Variants in FILIP1L observed in about 807,000 individuals in gnomAD.
FILIP1L encodes the protein filamin A-interacting protein 1-like.
In FILIP1L, 55 loss-of-function variants were observed where a neutral mutation model predicts 96.6. The observed-to-expected ratio is 0.57, with a 90% CI of 0.46 to 0.71. The LOEUF (loss-of-function observed/expected upper bound fraction) is 0.71. Ranked by LOEUF, FILIP1L falls within the 30% of genes least tolerant of loss-of-function variation. The probability of loss-of-function intolerance (pLI) is 0.00; values close to 1 mark genes in which losing one functional copy is unlikely to be tolerated. For synonymous variants in FILIP1L, 467 were observed against 473.9 expected, an observed-to-expected ratio of 0.99 and a Z score of 0.19; for missense variants, 1,304 against 1,321.2, an observed-to-expected ratio of 0.99 and a Z score of 0.20.
intron 1 of FILIP1L, among the ~76,000 whole-genome samples, chr3:100,039,161 C>T (rs967737266): frequency 2.0e-5 from 3 of 152,168 alleles, no homozygotes; most frequent in Admixed American, 2.0e-4. Flanking sequence ...GTTCATCAAA[C>T]ACAGAGACAT....
intron 5 of FILIP1L, among the ~76,000 whole-genome samples, chr3:99,844,156 C>T (rs980203190): frequency 6.6e-6 from 1 of 152,154 alleles, no homozygotes; most frequent in South Asian, 2.1e-4. Flanking sequence ...TATCTTACAG[C>T]ATATTGCTAG....
chr3:99,955,165 A>G (rs1708285572), intron 1 of FILIP1L, among the ~76,000 whole-genome samples: 1 of 152,144 alleles, frequency 6.6e-6, no homozygotes, highest in African/African-American at 2.4e-5. Context: ...CATTCTAGCA[A>G]TGGGGTGCTG....
intron 1 of FILIP1L, among the ~76,000 whole-genome samples, chr3:99,964,087 CAG>C (rs1391938436): frequency 1.3e-5 from 2 of 151,996 alleles, no homozygotes; most frequent in African/African-American, 2.4e-5. Flanking sequence ...TAAATAAAAA[CAG>C]AGGGCATAGA....
intron 1 of FILIP1L, among the ~76,000 whole-genome samples, chr3:99,940,206 C>T (rs1387974002): frequency 6.6e-6 from 1 of 152,154 alleles, no homozygotes; most frequent in African/African-American, 2.4e-5. Flanking sequence ...AGAATGTTTT[C>T]CAGATCTTTG....
chr3:100,013,362 G>A (rs1710222970), intron 1 of FILIP1L, among the ~76,000 whole-genome samples: 1 of 152,028 alleles, frequency 6.6e-6, no homozygotes, highest in South Asian at 2.1e-4. Context: ...TCCTGCCTCA[G>A]CCTCCTGAGT....
At chr3:99,964,119 T>G (rs532825598) in intron 1 of FILIP1L, among the ~76,000 whole-genome samples, 1 of 152,172 alleles carries the variant, frequency 6.6e-6, no homozygotes, top group East Asian at 1.9e-4. Context: ...TGGTGCAGAT[T>G]TACCCTATAG....
chr3:99,930,868 G>C lies in FILIP1L; in HGVS notation c.153C>G (p.Pro51=). 1 of 1,612,994 alleles carries C rather than the reference G, an allele frequency of 6.2e-7. No homozygotes were observed. Among genetic ancestry groups the C allele is most frequent in the Non-Finnish European group, 8.5e-7 (1 of 1,179,740 alleles). ...PSESDVILPC[P]KAEKPHSGNG... is the part of the protein sequence containing the mutation. ...TACCACTGTGTGGCTTCTCTGCCTT[G>C]GGACACGGAAGTATTACATCCGACT... Residue 51 remains proline (P), a synonymous_variant, in exon 2 of 6, where the codon CCC becomes CCG. Coordinates refer to ENST00000477258, the MANE Select transcript of FILIP1L (RefSeq NM_001387850.1).
At chr3:99,993,036 T>C (rs1709569114) in intron 1 of FILIP1L, among the ~76,000 whole-genome samples, 1 of 152,136 alleles carries the variant, frequency 6.6e-6, no homozygotes, top group Non-Finnish European at 1.5e-5. Context: ...ACTGTTGTTA[T>C]ACCAGTGCCA....
At chr3:99,876,059 C>T (rs1044633256) in intron 4 of FILIP1L, 2 of 985,848 alleles carry the variant, frequency 2.0e-6, no homozygotes, top group Admixed American at 6.1e-5. Flanking sequence ...CGAAGTTGCT[C>T]TCCCGGGCTT....
intron 4 of FILIP1L, among the ~76,000 whole-genome samples, chr3:99,880,980 G>A (rs185885845): frequency 3.3e-5 from 5 of 151,984 alleles, no homozygotes; most frequent in African/African-American, 4.8e-5. Context: ...ATTTAAAAGC[G>A]CATGTTTACA....
chr3:100,095,955 G>A (rs947266195), intron 1 of FILIP1L, among the ~76,000 whole-genome samples: 1 of 152,082 alleles, frequency 6.6e-6, no homozygotes, highest in African/African-American at 2.4e-5. Flanking sequence ...TTAAAAAATA[G>A]GCATAAGATT....
intron 4 of FILIP1L, among the ~76,000 whole-genome samples, chr3:99,863,452 T>C (rs1000783729): frequency 6.6e-6 from 1 of 152,192 alleles, no homozygotes; most frequent in Non-Finnish European, 1.5e-5. Context: ...TATATACTAT[T>C]CCTGGGCTTG....
intron 1 of FILIP1L, among the ~76,000 whole-genome samples, chr3:100,107,877 T>C (rs1417556913): frequency 7.7e-6 from 1 of 130,060 alleles, no homozygotes; most frequent in Non-Finnish European, 1.6e-5. Flanking sequence ...GCAAGAGAAT[T>C]AAAAAAAAAA....
At chr3:100,012,679 C>T (rs1254149938) in intron 1 of FILIP1L, among the ~76,000 whole-genome samples, 1 of 151,796 alleles carries the variant, frequency 6.6e-6, no homozygotes, top group Non-Finnish European at 1.5e-5. Context: ...CATGGTTGCC[C>T]CAATTATAAA....
At chr3:100,014,879 T>C (rs1471207119) in intron 1 of FILIP1L, among the ~76,000 whole-genome samples, 2 of 134,970 alleles carry the variant, frequency 1.5e-5, no homozygotes, top group African/African-American at 5.3e-5. Flanking sequence ...CTTTTCTTTT[T>C]TTTTTTTCTT....
intron 1 of FILIP1L, among the ~76,000 whole-genome samples, chr3:100,107,188 A>G (rs1453812557): frequency 6.6e-6 from 1 of 152,168 alleles, no homozygotes; most frequent in Non-Finnish European, 1.5e-5. Flanking sequence ...GGACCTTTTG[A>G]GTTCTCTTTT....
intron 1 of FILIP1L, among the ~76,000 whole-genome samples, chr3:99,962,174 G>A (rs1306954399): frequency 2.6e-5 from 4 of 152,168 alleles, no homozygotes; most frequent in African/African-American, 4.8e-5. Context: ...GGGATGCGTG[G>A]TGAGTTCAGG....
intron 1 of FILIP1L, among the ~76,000 whole-genome samples, chr3:100,069,955 C>A (rs1323555184): frequency 6.6e-6 from 1 of 152,176 alleles, no homozygotes; most frequent in East Asian, 1.9e-4. Context: ...GTCTATGGTA[C>A]ATTAAGATAT....
intron 4 of FILIP1L, among the ~76,000 whole-genome samples, chr3:99,881,659 A>G (rs1460526532): frequency 6.6e-6 from 1 of 151,724 alleles, no homozygotes; most frequent in Non-Finnish European, 1.5e-5. Flanking sequence ...CAGCCTCCCT[A>G]GTAGCTGGGA....
Sources: allele counts gnomAD v4.1 joint callset (sites outside exome capture counted in the v4.1 genomes callset), GRCh38; gene constraint gnomAD v4.1.1; transcripts MANE v1.5; gene names NCBI Gene and HGNC (gene_info 2026-07-23, HGNC 2026-07-21).